Variants in DHX57 observed in about 807,000 individuals in gnomAD.
The protein encoded by DHX57 is DExH-box helicase 57.
A neutral mutation model predicts 156.2 loss-of-function variants in DHX57; 105 were observed. That is an observed-to-expected ratio of 0.67 (90% CI 0.57 to 0.79). The LOEUF (loss-of-function observed/expected upper bound fraction) is 0.79. Among genes scored for constraint, DHX57 ranks in the 30% least tolerant of loss-of-function variants. The pLI, the probability that DHX57 is intolerant of heterozygous loss-of-function variation, is 0.00. For missense variants in DHX57, 1,847 were observed against 1,661.9 expected, an observed-to-expected ratio of 1.11 and a Z score of -1.94; for synonymous variants, 704 against 595.6, an observed-to-expected ratio of 1.18 and a Z score of -2.65.
intron 23 of DHX57, 34 bp downstream of exon 23, chr2:38,802,681 T>C: frequency 3.1e-6 from 5 of 1,612,258 alleles, no homozygotes; most frequent in Non-Finnish European, 3.4e-6. Context: ...CCTCATGGCC[T>C]GAGCCTCATA....
rs552623701 is a variant in DHX57 at position 38,829,837 on chromosome 2, T to G, written c.2543-1401A>C. 1.5e-4 allele frequency among the ~76,000 whole-genome samples: 23 copies of G among 152,300 alleles called. No homozygotes were observed. In the East Asian group the frequency reaches 4.2e-3, roughly 28 times the overall value. The stretch of plus-strand genomic sequence containing the variant: ...TGGAAATGAGAAAAAGAAACTATAA[T>G]TGACTGGCCAATCTGGTAATCTAAA... On this transcript the variant is annotated intron_variant, in intron 13 of 23. Coordinates refer to ENST00000457308, the MANE Select transcript of DHX57 (RefSeq NM_198963.3).
chr2:38,811,376 C>T (rs988312844), intron 21 of DHX57: 21 of 542,706 alleles, frequency 3.9e-5, no homozygotes, highest in African/African-American at 7.6e-5. Context: ...CACTTGTTTG[C>T]GGGTGATGTA....
At position 38,875,794 on chromosome 2, in the gene DHX57, G is replaced by T; in HGVS notation, c.-14C>A. The T allele has an allele frequency of 2.7e-6, 1 of 376,352 alleles. No individual in the cohort carries two copies. Among genetic ancestry groups the T allele is most frequent in the Non-Finnish European group, 4.7e-6 (1 of 212,306 alleles). The allele number at this position is 376,352 out of a possible 1,614,324, so 23.3% of individuals were successfully genotyped here. A position where few individuals can be genotyped will look rare whatever the true frequency, so the allele number is the denominator to read the frequency against. On this transcript the variant is annotated 5_prime_UTR_variant, in exon 1 of 24. Coordinates refer to ENST00000457308, the MANE Select transcript of DHX57 (RefSeq NM_198963.3). ...CAGAAGTGGAAGACGTACCTGGCTC[G>T]CAGAGTTGGGTCCCGAGCCGGCTGT... is the stretch of plus-strand genomic sequence containing the variant.
intron 17 of DHX57, 49 bp downstream of exon 17, chr2:38,822,944 C>T (rs1407969540): frequency 6.3e-7 from 1 of 1,583,650 alleles, no homozygotes; most frequent in Admixed American, 1.7e-5. Flanking sequence ...CCCTTAGAGA[C>T]CTATGGTCCT....
chr2:38,802,128 C>A (rs957456636), intron 23 of DHX57, among the ~76,000 whole-genome samples: 1 of 152,102 alleles, frequency 6.6e-6, no homozygotes, highest in Non-Finnish European at 1.5e-5. Flanking sequence ...GAAGGTCCAG[C>A]ACCCTCACTT....
In DHX57 at chr2:38,829,492, G is replaced by A. The variant is rs189066907; in HGVS notation, c.2543-1056C>T. Among the ~76,000 whole-genome samples, 147 of 150,688 alleles carry A rather than the reference G, an allele frequency of 9.8e-4. 1 individual carries two copies. The highest frequency in any genetic ancestry group is 7.0e-3 in the Admixed American group (105 of 15,104). On this transcript the variant is annotated intron_variant, in intron 13 of 23. Coordinates refer to ENST00000457308, the MANE Select transcript of DHX57 (RefSeq NM_198963.3). ...TCACCATGTTGGTCAGGCTGGTCTC[G>A]AACTCCTGACCTCGTGATCTGCCCG...
intron 21 of DHX57, 95 bp from the exon 22 acceptor site, chr2:38,806,788 G>A (rs946554009): frequency 1.6e-6 from 2 of 1,248,618 alleles, no homozygotes; most frequent in African/African-American, 1.5e-5. Flanking sequence ...GTCTTGCTCA[G>A]TCTTGCTTGA....
rs1673346214 is a variant in DHX57 at position 38,863,479 on chromosome 2, T to C, written c.265A>G (p.Lys89Glu). ...SNISKGESRP[K>E]WKPKAKVPLQ... ...GGTACTTTGGCTTTGGGTTTCCATT[T>C]TGGGCGTGACTCTCCTTTGCTTATG... The change falls in exon 3 of 24, where the codon AAA becomes GAA. Residue 89 changes from lysine (K) to glutamate (E), a missense_variant. Transcript: ENST00000457308. The C allele has an allele frequency of 1.2e-6, 2 of 1,614,124 alleles. No individual in the cohort carries two copies. The highest frequency in any genetic ancestry group is 1.7e-6 in the Non-Finnish European group (2 of 1,180,024).
chr2:38,838,797 T>G (rs757080212), intron 12 of DHX57: 1 of 456,506 alleles, frequency 2.2e-6, no homozygotes, highest in Non-Finnish European at 4.4e-6. Context: ...GTGATTGTAA[T>G]ATCTTCATTA....
In DHX57 at chr2:38,866,408, G is replaced by C. The variant is rs78984884; in HGVS notation, c.224+1774C>G. Among the ~76,000 whole-genome samples the C allele has an allele frequency of 1.9e-3, 296 of 152,216 alleles. 1 individual carries two copies. Among genetic ancestry groups the C allele is most frequent in the African/African-American group, 6.8e-3 (283 of 41,524 alleles). Reference sequence around the variant, plus strand: ...TGAATGCTGTACTCAGAACTTCACAGCTTATTCCTTTACTTACTTCTTGCC... The same window carrying C: ...TGAATGCTGTACTCAGAACTTCACACCTTATTCCTTTACTTACTTCTTGCC... On this transcript the variant is annotated intron_variant, in intron 2 of 23. Coordinates refer to ENST00000457308, the MANE Select transcript of DHX57 (RefSeq NM_198963.3).
At chr2:38,848,561 C>A (rs530182170) in intron 9 of DHX57, among the ~76,000 whole-genome samples, 159 bp from the exon 10 acceptor site, 16 of 151,306 alleles carry the variant, frequency 1.1e-4, no homozygotes, top group African/African-American at 3.6e-4. Flanking sequence ...GGATGTGAAG[C>A]CTTACTATTA....
At chr2:38,822,236 C>G (rs944543780) in intron 17 of DHX57, among the ~76,000 whole-genome samples, 1 of 151,940 alleles carries the variant, frequency 6.6e-6, no homozygotes, top group African/African-American at 2.4e-5. Flanking sequence ...GCATGCACCA[C>G]CATCCCAGCT....
In DHX57 at chr2:38,868,243, T is replaced by A; in HGVS notation, c.163A>T (p.Ser55Cys). ...GGGGGNRKAS[S>C]RIWDDGDDFC... ...TCATCTCCATCATCCCATATTCTACTGGAGGCCTTTCTGTTGCCGCCACCT... is the reference window on the plus strand; with the variant it reads ...TCATCTCCATCATCCCATATTCTACAGGAGGCCTTTCTGTTGCCGCCACCT... The change falls in exon 2 of 24, where the codon AGT (serine) becomes TGT (cysteine). Residue 55 changes from serine (S) to cysteine (C), a missense_variant. Transcript: ENST00000457308. 1 of 1,614,128 alleles carries A rather than the reference T, an allele frequency of 6.2e-7. No homozygotes were observed. The highest frequency in any genetic ancestry group is 8.5e-7 in the Non-Finnish European group (1 of 1,180,022).
intron 2 of DHX57, among the ~76,000 whole-genome samples, chr2:38,865,189 T>C (rs1394612893): frequency 1.3e-5 from 2 of 152,214 alleles, no homozygotes; most frequent in Non-Finnish European, 2.9e-5. Context: ...CGGTTGATAA[T>C]GGTTTGGCTG....
chr2:38,837,735 G>T, intron 13 of DHX57, 96 bp downstream of exon 13: 1 of 755,720 alleles, frequency 1.3e-6, no homozygotes. Context: ...TGTGTGCAGA[G>T]TCTGCATGTA....
intron 23 of DHX57, among the ~76,000 whole-genome samples, chr2:38,800,125 TG>T (rs1445256159): frequency 1.1e-4 from 16 of 143,476 alleles, no homozygotes; most frequent in Non-Finnish European, 1.2e-4. Context: ...GCAGAGGCTG[TG>T]GTGAGCCGAG....
chr2:38,861,949 C>T (rs753912249), intron 4 of DHX57, 112 bp from the exon 5 acceptor site: 21 of 1,285,968 alleles, frequency 1.6e-5, no homozygotes, highest in Non-Finnish European at 2.2e-5. Context: ...ATAGGCAGGG[C>T]TTGTATTTTG....
chr2:38,813,925 A>T (rs940522076), intron 20 of DHX57, 30 bp from the exon 21 acceptor site: 5 of 1,608,832 alleles, frequency 3.1e-6, no homozygotes, highest in Non-Finnish European at 4.3e-6. Context: ...TTAATTAACA[A>T]GTGATATGGC....
intron 22 of DHX57, among the ~76,000 whole-genome samples, chr2:38,805,206 C>T (rs993881004): frequency 6.6e-6 from 1 of 152,182 alleles, no homozygotes; most frequent in Non-Finnish European, 1.5e-5. Context: ...TGGTTCCTAA[C>T]AGGCTGAAAA....
Sources: allele counts gnomAD v4.1 joint callset (sites outside exome capture counted in the v4.1 genomes callset), GRCh38; gene constraint gnomAD v4.1.1; transcripts MANE v1.5; gene names NCBI Gene and HGNC (gene_info 2026-07-23, HGNC 2026-07-21).